Variants in AKNAD1 observed in about 807,000 individuals in gnomAD.
AKNAD1 encodes AKNA domain containing 1, also known as protein AKNAD1.
In AKNAD1, 67 loss-of-function variants were observed where a neutral mutation model predicts 90.8. That is an observed-to-expected ratio of 0.74 (90% CI 0.61 to 0.90). AKNAD1 has a LOEUF of 0.90. AKNAD1 is among the 40% of genes least tolerant of loss of function. AKNAD1 has a pLI of 0.00. For missense variants in AKNAD1, 957 were observed against 975.4 expected, an observed-to-expected ratio of 0.98 and a Z score of 0.25; for synonymous variants, 327 against 341.4, an observed-to-expected ratio of 0.96 and a Z score of 0.46.
At chr1:108,822,955 AT>A in intron 13 of AKNAD1, 1 of 439,260 alleles carries the variant, frequency 2.3e-6, no homozygotes. Context: ...TAGCAACATG[AT>A]GTCTATGGAG....
chr1:108,832,646 C>A (rs983428948), intron 9 of AKNAD1, among the ~76,000 whole-genome samples: 1 of 152,104 alleles, frequency 6.6e-6, no homozygotes, highest in Non-Finnish European at 1.5e-5. Flanking sequence ...TGTCTATCTA[C>A]ATTTTTTTTA....
At chr1:108,829,354 G>A (rs1314615194) in intron 10 of AKNAD1, among the ~76,000 whole-genome samples, 1 of 152,148 alleles carries the variant, frequency 6.6e-6, no homozygotes, top group South Asian at 2.1e-4. Flanking sequence ...TCTAGACTAG[G>A]AATTTAGAAG....
In AKNAD1 at chr1:108,849,523, T is replaced by G. The variant is rs1308652952; in HGVS notation, c.1033+14A>C. 6.6e-6 allele frequency: 10 copies of G among 1,523,468 alleles called. No homozygotes were observed. Among genetic ancestry groups the G allele is most frequent in the Non-Finnish European group, 7.3e-6 (8 of 1,098,116 alleles). The allele number at this position is 1,523,468 out of a possible 1,614,324, so 94.4% of individuals were successfully genotyped here. ...ATATATATATATCTCAAAGAAGTTT[T>G]AAAACATTAGTACCTGTGAGAAGTT... On this transcript the variant is annotated intron_variant, in intron 3 of 15. Coordinates refer to ENST00000370001, the MANE Select transcript of AKNAD1 (RefSeq NM_152763.5).
chr1:108,839,129 A>G (rs1325991969), intron 6 of AKNAD1, among the ~76,000 whole-genome samples: 2 of 152,200 alleles, frequency 1.3e-5, no homozygotes, highest in African/African-American at 2.4e-5. Context: ...TTCACTAAAC[A>G]TAATTCTACC....
At chr1:108,825,877 C>A (rs1663981697) in intron 11 of AKNAD1, among the ~76,000 whole-genome samples, 1 of 151,630 alleles carries the variant, frequency 6.6e-6, no homozygotes, top group Non-Finnish European at 1.5e-5. Context: ...ATAACTATTT[C>A]TAAAAAATTT....
Position 108,851,667 on chromosome 1 carries a change from T to C in AKNAD1, c.993+5A>G, listed in dbSNP as rs1305671376. 6.3e-7 allele frequency: 1 copy of C among 1,575,066 alleles called. No homozygotes were observed. The highest frequency in any genetic ancestry group is 8.6e-7 in the Non-Finnish European group (1 of 1,165,732). ...AATGTGTTTACAGGAGACTGTTTCA[T>C]TTACCTGGATTTGTTGTGAAGGTTC... On this transcript the variant is annotated splice_donor_5th_base_variant and intron_variant, in intron 2 of 15. Transcript: ENST00000370001.
At chr1:108,841,474 T>A (rs1011954792) in intron 6 of AKNAD1, among the ~76,000 whole-genome samples, 11 of 152,184 alleles carry the variant, frequency 7.2e-5, no homozygotes, top group African/African-American at 2.7e-4. Context: ...GAAGTTAATA[T>A]GTGAAAGAAG....
chr1:108,848,713 C>T, intron 5 of AKNAD1, 39 bp downstream of exon 5: 1 of 1,546,764 alleles, frequency 6.5e-7, no homozygotes, highest in Non-Finnish European at 8.8e-7. Context: ...AAGCCATATT[C>T]TCTAATCAAG....
At chr1:108,853,464 G>C (rs962466055) in intron 1 of AKNAD1, among the ~76,000 whole-genome samples, 1 of 151,792 alleles carries the variant, frequency 6.6e-6, no homozygotes, top group African/African-American at 2.4e-5. Context: ...GCCACGCCTT[G>C]TCCACGTGTC....
intron 5 of AKNAD1, 94 bp downstream of exon 5, chr1:108,848,658 C>T: frequency 8.9e-7 from 1 of 1,123,168 alleles, no homozygotes; most frequent in Middle Eastern, 3.0e-4. Flanking sequence ...CCACTCCCAC[C>T]ACTGTAGAGA....
chr1:108,817,112 G>C lies in AKNAD1; in HGVS notation c.2315C>G (p.Ser772Cys). Residue 772 changes from serine to cysteine, a missense_variant, in exon 15 of 16, where the codon TCC (serine) becomes TGC (cysteine). Physicochemically the swap from Ser to Cys is moderately radical, Grantham distance 112. Transcript: ENST00000370001. Reference protein sequence around the residue: ...DPATPSPHFYSCRISGSKSLC... With the variant: ...DPATPSPHFYCCRISGSKSLC... Reference sequence around the variant, plus strand: ...GGATTTGCTTCCAGAAATCCTGCAGGAGTAGAAATGGGGTGAGGGTGTTGC... The same window carrying C: ...GGATTTGCTTCCAGAAATCCTGCAGCAGTAGAAATGGGGTGAGGGTGTTGC... The C allele has an allele frequency of 6.2e-7, 1 of 1,614,168 alleles. No individual in the cohort carries two copies. The highest frequency in any genetic ancestry group is 8.5e-7 in the Non-Finnish European group (1 of 1,180,016).
intron 6 of AKNAD1, among the ~76,000 whole-genome samples, chr1:108,839,094 G>A (rs1042738386): frequency 5.3e-5 from 8 of 152,068 alleles, no homozygotes; most frequent in African/African-American, 1.2e-4. Flanking sequence ...TGCAGACCCC[G>A]AAGCACGTGT....
Position 108,851,619 on chromosome 1 carries a change from A to G in AKNAD1, c.993+53T>C, listed in dbSNP as rs536487373. The stretch of plus-strand genomic sequence containing the variant: ...TCACCCTCCAAAAACCCACACTGAA[A>G]GAGATAAGCAGTGGTCCCAATTAAT... On this transcript the variant is annotated intron_variant, in intron 2 of 15. Coordinates refer to ENST00000370001, the MANE Select transcript of AKNAD1 (RefSeq NM_152763.5). The G allele has an allele frequency of 6.8e-6, 10 of 1,476,016 alleles. No homozygotes were observed. In the South Asian group the frequency reaches 1.4e-4, roughly 21 times the overall value. 91.4% of individuals were successfully genotyped at this position (1,476,016 alleles called of 1,614,324 possible). A position where few individuals can be genotyped will look rare whatever the true frequency, so the allele number is the denominator to read the frequency against.
chr1:108,836,816 G>A (rs1664400331), intron 7 of AKNAD1: 3 of 152,236 alleles, frequency 2.0e-5, no homozygotes. Flanking sequence ...AAGGCAAAAA[G>A]TATAGAAAGA....
chr1:108,834,973 C>T lies in AKNAD1; in HGVS notation c.1620G>A (p.Pro540=), dbSNP rs758564315. The change falls in exon 8 of 16, where the codon CCG becomes CCA. Residue 540 remains proline, a synonymous_variant. Coordinates refer to ENST00000370001, the MANE Select transcript of AKNAD1 (RefSeq NM_152763.5). Reference sequence around the variant, plus strand: ...AGAGCTCCTCGTTGGGGGCCTCCTGCGGCCCTCCTTGGGGTGTCCCTGTTA... The same window carrying T: ...AGAGCTCCTCGTTGGGGGCCTCCTGTGGCCCTCCTTGGGGTGTCCCTGTTA... The part of the protein sequence containing the change: ...SEVTGTPQGG[P]QEAPNEELCE... 1.4e-5 allele frequency: 22 copies of T among 1,553,672 alleles called. No homozygotes were observed. The highest frequency in any genetic ancestry group is 5.7e-5 in the African/African-American group (4 of 69,974).
In AKNAD1 at chr1:108,851,749, T is replaced by TCA. The variant is rs1664870253; in HGVS notation, c.915_916insTG (p.Thr306Ter). 1.2e-6 allele frequency: 2 copies of TCA among 1,612,598 alleles called. No individual in the cohort carries two copies. The highest frequency in any genetic ancestry group is 1.7e-6 in the Non-Finnish European group (2 of 1,179,614). ...TTTTCAACACAGTTTGACTCAGGCG[T>TCA]GGTTTCTAGACTATCTTGCACAAGA... On this transcript the variant is annotated frameshift_variant, in exon 2 of 16. Coordinates refer to ENST00000370001, the MANE Select transcript of AKNAD1 (RefSeq NM_152763.5). LOFTEE classifies it high-confidence loss of function.
At chr1:108,858,078 AT>A (rs1665098266), upstream of AKNAD1, 2 of 152,798 alleles carry the variant, frequency 1.3e-5, no homozygotes, top group East Asian at 3.9e-4. Context: ...GAGTCTCTGG[AT>A]ATCACAGGTG....
At chr1:108,850,335 T>G (rs1478954134) in intron 2 of AKNAD1, among the ~76,000 whole-genome samples, 1 of 151,488 alleles carries the variant, frequency 6.6e-6, no homozygotes, top group Non-Finnish European at 1.5e-5. Flanking sequence ...CTGGAAAAAA[T>G]CAGATACCTG....
Position 108,823,598 on chromosome 1 carries a change from G to C in AKNAD1, c.2027C>G (p.Ser676Cys). The change falls in exon 12 of 16, where the codon TCC becomes TGC. Residue 676 changes from serine (S) to cysteine (C), a missense_variant. By Grantham distance (112) the Ser-to-Cys change is moderately radical (BLOSUM62 -1). Coordinates refer to ENST00000370001, the MANE Select transcript of AKNAD1 (RefSeq NM_152763.5). ...TGGTTCTTTCCTGCAGGCTCTTCGG[G>C]AGGTAGGAATCTTAGTGCCACAGTC... ...CQDCGTKIPT[S>C]RRACRKEPTK... The C allele has an allele frequency of 6.2e-7, 1 of 1,614,162 alleles. No homozygotes were observed. The highest frequency in any genetic ancestry group is 8.5e-7 in the Non-Finnish European group (1 of 1,180,020).
Sources: gnomAD v4.1 joint callset for allele counts (sites outside exome capture counted in the v4.1 genomes callset) on GRCh38, gnomAD v4.1.1 for gene constraint, MANE v1.5 for transcripts, NCBI Gene and HGNC (gene_info 2026-07-23, HGNC 2026-07-21) for gene names.